Variants in NUP205 observed in about 807,000 individuals in gnomAD.
NUP205 encodes the protein nucleoporin 205.
Under a neutral mutation model 253.8 loss-of-function variants are expected in NUP205, and 76 were observed. The ratio of observed to expected loss-of-function variants is 0.30; its 90% CI spans 0.25 to 0.36. NUP205 has a LOEUF of 0.36. NUP205 is among the 10% of genes least tolerant of loss of function. The pLI, the probability that NUP205 is intolerant of heterozygous loss-of-function variation, is 1.00. For synonymous variants in NUP205, 832 were observed against 850.1 expected (o/e 0.98, Z 0.37); for missense variants, 2,162 against 2,425.5 (o/e 0.89, Z 2.28).
In NUP205 at chr7:135,604,351, A is replaced by G. The variant is rs763485676; in HGVS notation, c.2714A>G (p.His905Arg). Reference sequence around the variant, plus strand: ...TCTTTTCTTTAAAGATACCTATATCATGGCAATACTAATCCAGAATTGGCT... The same window carrying G: ...TCTTTTCTTTAAAGATACCTATATCGTGGCAATACTAATCCAGAATTGGCT... Reference protein sequence around the residue: ...NVVNIARYLYHGNTNPELAFE... With the variant: ...NVVNIARYLYRGNTNPELAFE... Residue 905 changes from histidine (H) to arginine (R), a missense_variant, in exon 19 of 43, where the codon CAT becomes CGT. By Grantham distance (29) the His-to-Arg change is conservative. Coordinates refer to ENST00000285968, the MANE Select transcript of NUP205 (RefSeq NM_015135.3). 11 of 1,608,162 alleles carry G rather than the reference A, an allele frequency of 6.8e-6. No individual in the cohort carries two copies. Among genetic ancestry groups the G allele is most frequent in the South Asian group, 2.2e-5 (2 of 89,492 alleles).
intron 22 of NUP205, among the ~76,000 whole-genome samples, chr7:135,610,811 C>A (rs1022143626): frequency 9.2e-5 from 14 of 152,130 alleles, no homozygotes; most frequent in Non-Finnish European, 1.3e-4. Flanking sequence ...CTTACTGATA[C>A]CTTCCTTGTC....
intron 22 of NUP205, among the ~76,000 whole-genome samples, chr7:135,609,881 T>C (rs928652733): frequency 2.0e-5 from 3 of 152,136 alleles, no homozygotes; most frequent in African/African-American, 7.2e-5. Flanking sequence ...TTACAGAATT[T>C]GATATATAAG....
At chr7:135,604,538 G>A in intron 19 of NUP205, 78 bp downstream of exon 19, 1 of 1,354,260 alleles carries the variant, frequency 7.4e-7, no homozygotes, top group Middle Eastern at 1.9e-4. Flanking sequence ...AGTGTCTATG[G>A]AGGAATCATA....
In NUP205 at chr7:135,617,059, G is replaced by A. The variant is rs184670278; in HGVS notation, c.3533-31G>A. 5.1e-5 allele frequency: 78 copies of A among 1,541,132 alleles called. No individual in the cohort carries two copies. In the Middle Eastern group the frequency reaches 2.6e-3, roughly 51 times the overall value. On this transcript the variant is annotated intron_variant, in intron 25 of 42. Coordinates refer to ENST00000285968, the MANE Select transcript of NUP205 (RefSeq NM_015135.3). ...CTTGCCTTTCTTTTCAATGTCCCAA[G>A]TAAAATCAAATTACTTTTTATTATT...
intron 35 of NUP205, among the ~76,000 whole-genome samples, chr7:135,634,679 C>A (rs868246600): frequency 2.0e-5 from 3 of 151,990 alleles, no homozygotes; most frequent in African/African-American, 7.3e-5. Flanking sequence ...GAAAGCGATC[C>A]TGGGAGGAGA....
At chr7:135,609,461 G>C (rs1227050530) in intron 22 of NUP205, among the ~76,000 whole-genome samples, 1 of 150,212 alleles carries the variant, frequency 6.7e-6, no homozygotes, top group African/African-American at 2.5e-5. Context: ...CTAGGCGACA[G>C]AGCGAAACTC....
intron 6 of NUP205, 108 bp from the exon 7 acceptor site, chr7:135,578,643 T>A (rs1806218983): frequency 1.4e-6 from 1 of 730,224 alleles, no homozygotes; most frequent in South Asian, 2.1e-5. Context: ...TGGTCATTAT[T>A]CTTCTGTGAG....
intron 1 of NUP205, among the ~76,000 whole-genome samples, chr7:135,565,572 A>AC (rs1223564254): frequency 6.6e-6 from 1 of 151,828 alleles, no homozygotes; most frequent in Non-Finnish European, 1.5e-5. Context: ...AGCTGGGATT[A>AC]CAGGCACCTG....
intron 30 of NUP205, among the ~76,000 whole-genome samples, chr7:135,621,865 C>T (rs1459713397): frequency 6.6e-6 from 1 of 152,030 alleles, no homozygotes; most frequent in Non-Finnish European, 1.5e-5. Flanking sequence ...TACAGCGGTG[C>T]GATCTCAGCT....
intron 27 of NUP205, 135 bp from the exon 28 acceptor site, chr7:135,618,277 C>T: frequency 1.4e-6 from 1 of 702,724 alleles, no homozygotes; most frequent in East Asian, 2.6e-5. Flanking sequence ...GCCCTGGCTA[C>T]TGAAATAATA....
chr7:135,613,354 A>G (rs1192614902), intron 22 of NUP205, among the ~76,000 whole-genome samples: 2 of 151,150 alleles, frequency 1.3e-5, no homozygotes, highest in African/African-American at 2.4e-5. Flanking sequence ...TCTCTTATCT[A>G]TTCTTTTTTG....
intron 28 of NUP205, among the ~76,000 whole-genome samples, 166 bp from the exon 29 acceptor site, chr7:135,619,254 ACCT>A (rs546425731): frequency 1.9e-4 from 28 of 149,814 alleles, no homozygotes; most frequent in African/African-American, 6.6e-4. Flanking sequence ...AGGTGGGAAG[ACCT>A]CCTGAGCCCA....
At chr7:135,614,353 G>T in intron 23 of NUP205, 80 bp downstream of exon 23, 2 of 792,316 alleles carry the variant, frequency 2.5e-6, no homozygotes, top group East Asian at 2.7e-5. Context: ...AATATTTGGG[G>T]GAATTCTGTT....
At chr7:135,566,790 C>T (rs1012405960) in intron 1 of NUP205, among the ~76,000 whole-genome samples, 7 of 151,682 alleles carry the variant, frequency 4.6e-5, no homozygotes, top group African/African-American at 9.7e-5. Context: ...CAGGCTGAAG[C>T]GCAGTGGCGC....
chr7:135,569,024 T>C (rs1311149313), intron 1 of NUP205, among the ~76,000 whole-genome samples: 1 of 151,976 alleles, frequency 6.6e-6, no homozygotes, highest in Non-Finnish European at 1.5e-5. Flanking sequence ...AAAGATTGTT[T>C]GTCTTATCTT....
intron 1 of NUP205, among the ~76,000 whole-genome samples, chr7:135,558,883 C>CT (rs962750613): frequency 6.6e-6 from 1 of 152,116 alleles, no homozygotes; most frequent in African/African-American, 2.4e-5. Flanking sequence ...TAAAAGGACT[C>CT]TTTTTTAAAG....
At chr7:135,593,875 A>AGAG (rs1187500375) in intron 12 of NUP205, among the ~76,000 whole-genome samples, 1 of 152,200 alleles carries the variant, frequency 6.6e-6, no homozygotes, top group Non-Finnish European at 1.5e-5. Context: ...AGTTACAGAT[A>AGAG]GAGAAGAAGA....
chr7:135,575,001 C>T (rs1563112135), intron 3 of NUP205, among the ~76,000 whole-genome samples: 2 of 152,174 alleles, frequency 1.3e-5, no homozygotes, highest in Non-Finnish European at 1.5e-5. Context: ...TTGAGTTTAA[C>T]TCGGAACTTT....
Position 135,576,977 on chromosome 7 carries a change from T to A in NUP205, c.497T>A (p.Leu166Gln), listed in dbSNP as rs1247039877. ...KTWTLELSPE[L>Q]ASMTTRFTDE... ...ATTTCTTTTCATTACAGTCCAGAGC[T>A]GGCTTCCATGACAACACGCTTTACA... is the stretch of plus-strand genomic sequence containing the variant. The change falls in exon 5 of 43, where the codon CTG (leucine) becomes CAG (glutamine). Residue 166 changes from leucine (L) to glutamine (Q), a missense_variant. Physicochemically the swap from Leu to Gln is moderately radical, Grantham distance 113. This residue lies in a region of NUP205 where 892 missense variants were observed against 957.1 expected (regional missense o/e 0.93). Transcript: ENST00000285968. The A allele has an allele frequency of 6.2e-7, 1 of 1,612,626 alleles. No homozygotes were observed. Among genetic ancestry groups the A allele is most frequent in the South Asian group, 1.1e-5 (1 of 90,724 alleles).
Sources: gnomAD v4.1 joint callset for allele counts (sites outside exome capture counted in the v4.1 genomes callset) on GRCh38, gnomAD v4.1.1 for gene constraint, gnomAD v4.1.1 regional missense constraint, MANE v1.5 for transcripts, NCBI Gene and HGNC (gene_info 2026-07-23, HGNC 2026-07-21) for gene names.